Variants in ADAP1 observed in about 807,000 individuals in gnomAD.
ADAP1 encodes the protein ArfGAP with dual PH domains 1.
Under a neutral mutation model 54.9 loss-of-function variants are expected in ADAP1, and 31 were observed. The ratio of observed to expected loss-of-function variants is 0.56; its 90% CI spans 0.42 to 0.76. The LOEUF is 0.76. ADAP1 is among the 30% of genes least tolerant of loss of function. The pLI is 0.00. For missense variants in ADAP1, 535 were observed against 512.4 expected, an observed-to-expected ratio of 1.04 and a Z score of -0.42; for synonymous variants, 313 against 202.6, an observed-to-expected ratio of 1.55 and a Z score of -4.63.
At chr7:953,923 G>A (rs1847326438) in intron 1 of ADAP1, among the ~76,000 whole-genome samples, 1 of 152,172 alleles carries the variant, frequency 6.6e-6, no homozygotes, top group South Asian at 2.1e-4. Flanking sequence ...CTCACACCCA[G>A]GGACCCCCGG....
chr7:912,061 C>A (rs866705896), intron 4 of ADAP1, among the ~76,000 whole-genome samples: 1 of 152,196 alleles, frequency 6.6e-6, no homozygotes, highest in Non-Finnish European at 1.5e-5. Flanking sequence ...ACGGGGAAAC[C>A]GAGGCCCCAG....
At chr7:902,150 G>A (rs1281455486) in intron 6 of ADAP1, among the ~76,000 whole-genome samples, 1 of 150,580 alleles carries the variant, frequency 6.6e-6, no homozygotes, top group East Asian at 2.0e-4. Flanking sequence ...GGTGAAACCC[G>A]GTCTCTACTA....
intron 2 of ADAP1, among the ~76,000 whole-genome samples, chr7:931,716 G>A (rs1583174698): frequency 6.6e-6 from 1 of 151,582 alleles, no homozygotes. Flanking sequence ...GGCTGTGAAC[G>A]GCATCTCTAG....
chr7:919,576 G>A (rs1190962355), intron 4 of ADAP1, among the ~76,000 whole-genome samples: 1 of 148,176 alleles, frequency 6.7e-6, no homozygotes, highest in East Asian at 2.0e-4. Context: ...GAGAGGATGA[G>A]ATAGACGTGA....
At chr7:904,735 A>T (rs1238264171) in intron 5 of ADAP1, among the ~76,000 whole-genome samples, 1 of 152,204 alleles carries the variant, frequency 6.6e-6, no homozygotes, top group East Asian at 1.9e-4. Flanking sequence ...TACCTCCAGG[A>T]AAACTAGGGG....
rs770303688 is a variant in ADAP1, at chr7:926,623, C to A, written c.235G>T (p.Asp79Tyr). 6.5e-7 allele frequency: 1 copy of A among 1,544,080 alleles called. No homozygotes were observed. Among genetic ancestry groups the A allele is most frequent in the Admixed American group, 2.0e-5 (1 of 49,206 alleles). Residue 79 changes from aspartate to tyrosine, a missense_variant, in exon 3 of 11, where the codon GAC becomes TAC. Transcript: ENST00000265846. This position sits in a 1 kb window ranked among gnomAD's most constrained non-coding sequence, Gnocchi z 4.6. Reference sequence around the variant, plus strand: ...GACTCAAACCTGGCTCTCGCGGCGTCGTTCCCGTGGGAGGCCATGAACTGC... The same window carrying A: ...GACTCAAACCTGGCTCTCGCGGCGTAGTTCCCGTGGGAGGCCATGAACTGC... ...QVEFMASHGNDAARARFESKV... is the reference protein window; with the variant it reads ...QVEFMASHGNYAARARFESKV...
intron 2 of ADAP1, among the ~76,000 whole-genome samples, chr7:930,990 A>AG (rs1349567791): frequency 6.6e-6 from 1 of 151,176 alleles, no homozygotes; most frequent in Non-Finnish European, 1.5e-5. Context: ...AAAAAAAAAA[A>AG]AAAAGAGAAA....
Position 954,473 on chromosome 7 carries a change from GC to G in ADAP1, c.4del (p.Ala2ProfsTer41). On this transcript the variant is annotated frameshift_variant, in exon 1 of 11. Transcript: ENST00000265846. LOFTEE classifies it high-confidence loss of function. M[A>X]KERRRAVLEL... is the part of the protein sequence containing the mutation. ...CAGGACCGCCCTGCGCCGCTCCTTGGCCATGGCCGCGATGCGCCCGCGATGC... is the reference window on the plus strand; with the variant it reads ...CAGGACCGCCCTGCGCCGCTCCTTGGCATGGCCGCGATGCGCCCGCGATGC... 9.6e-7 allele frequency: 1 copy of G among 1,036,718 alleles called. No homozygotes were observed. The highest frequency in any genetic ancestry group is 1.2e-6 in the Non-Finnish European group (1 of 864,964). 64.2% of individuals were successfully genotyped at this position (1,036,718 alleles called of 1,614,324 possible). A position where few individuals can be genotyped will look rare whatever the true frequency, so the allele number is the denominator to read the frequency against.
chr7:927,971 T>G (rs2128107112), intron 2 of ADAP1, among the ~76,000 whole-genome samples: 1 of 151,816 alleles, frequency 6.6e-6, no homozygotes, highest in African/African-American at 2.4e-5. Context: ...GTCCCAGCAC[T>G]TTGGGAAGCT....
chr7:945,322 G>C lies in ADAP1; in HGVS notation c.82+9074C>G, dbSNP rs1321230736. Reference sequence around the variant, plus strand: ...TCCAGGGTGGAAGGGGAGCTGGTCTGACGCCCCAGCAGCAGGGCCCCCACA... The same window carrying C: ...TCCAGGGTGGAAGGGGAGCTGGTCTCACGCCCCAGCAGCAGGGCCCCCACA... On this transcript the variant is annotated intron_variant, in intron 1 of 10. Coordinates refer to ENST00000265846, the MANE Select transcript of ADAP1 (RefSeq NM_006869.4). This position sits in a 1 kb window ranked among gnomAD's most constrained non-coding sequence, Gnocchi z 4.2. Among the ~76,000 whole-genome samples the C allele has an allele frequency of 6.6e-6, 1 of 152,216 alleles. No homozygotes were observed. The highest frequency in any genetic ancestry group is 1.5e-5 in the Non-Finnish European group (1 of 68,032).
At chr7:909,970 G>C (rs1845654675) in intron 4 of ADAP1, among the ~76,000 whole-genome samples, 1 of 152,208 alleles carries the variant, frequency 6.6e-6, no homozygotes, top group Non-Finnish European at 1.5e-5. Context: ...GCCCTGCTCA[G>C]ACGCCTCTGA....
chr7:930,222 C>G, intron 2 of ADAP1, among the ~76,000 whole-genome samples: 1 of 150,684 alleles, frequency 6.6e-6, no homozygotes, highest in Non-Finnish European at 1.5e-5. Context: ...GTAAAAATTT[C>G]CACGGCAAAA....
rs773586890 is a variant in ADAP1, at chr7:945,978, C to G, written c.82+8418G>C. Among the ~76,000 whole-genome samples the G allele has an allele frequency of 6.6e-6, 1 of 152,214 alleles. No homozygotes were observed. Among genetic ancestry groups the G allele is most frequent in the Admixed American group, 6.5e-5 (1 of 15,290 alleles). Reference sequence around the variant, plus strand: ...GAGACCTTTGCCCTCCCAAGGCTGACGCACAGCAGAGATCCCGGTGCAATC... The same window carrying G: ...GAGACCTTTGCCCTCCCAAGGCTGAGGCACAGCAGAGATCCCGGTGCAATC... On this transcript the variant is annotated intron_variant, in intron 1 of 10. Coordinates refer to ENST00000265846, the MANE Select transcript of ADAP1 (RefSeq NM_006869.4). This position sits in a 1 kb window ranked among gnomAD's most constrained non-coding sequence, Gnocchi z 4.2.
Position 905,180 on chromosome 7 carries a change from G to T in ADAP1, c.389-8C>A. 1 of 1,609,962 alleles carries T rather than the reference G, an allele frequency of 6.2e-7. No homozygotes were observed. The highest frequency in any genetic ancestry group is 1.7e-4 in the Middle Eastern group (1 of 6,054). On this transcript the variant is annotated splice_region_variant and splice_polypyrimidine_tract_variant and intron_variant, in intron 4 of 10. Transcript: ENST00000265846. ...GAAAACCCTCACGGTACCCTGTGGG[G>T]GAAAGGGGACACGAGTCGGTGACAG...
chr7:952,010 G>A (rs964312018), intron 1 of ADAP1, among the ~76,000 whole-genome samples: 2 of 152,116 alleles, frequency 1.3e-5, no homozygotes, highest in African/African-American at 4.8e-5. Flanking sequence ...AAGGATGTAC[G>A]GAGGCACCCC....
At position 926,485 on chromosome 7, in the gene ADAP1, C is replaced by A. The variant is rs1846393599; in HGVS notation, c.305+68G>T. On this transcript the variant is annotated intron_variant, in intron 3 of 10. Coordinates refer to ENST00000265846, the MANE Select transcript of ADAP1 (RefSeq NM_006869.4). This position sits in a 1 kb window ranked among gnomAD's most constrained non-coding sequence, Gnocchi z 4.6. ...CACCCAACTCCCCACCCTGCCGGGT[C>A]CTCCCGGGGCCATCTCGGAGCCACC... The A allele has an allele frequency of 1.5e-6, 2 of 1,375,106 alleles. No homozygotes were observed. Among genetic ancestry groups the A allele is most frequent in the Admixed American group, 3.2e-5 (1 of 31,604 alleles). 85.2% of individuals were successfully genotyped at this position (1,375,106 alleles called of 1,614,324 possible). A position where few individuals can be genotyped will look rare whatever the true frequency, so the allele number is the denominator to read the frequency against.
At chr7:954,348 G>C in intron 1 of ADAP1, 48 bp downstream of exon 1, 30 of 950,998 alleles carry the variant, frequency 3.2e-5, no homozygotes, top group Middle Eastern at 5.3e-4. Flanking sequence ...GGCACCCCGC[G>C]CCCACCCCGG....
chr7:915,302 G>A (rs563916813), intron 4 of ADAP1, among the ~76,000 whole-genome samples: 1 of 152,278 alleles, frequency 6.6e-6, no homozygotes, highest in South Asian at 2.1e-4. Flanking sequence ...CCTCACCCGT[G>A]CCTCATGCAC....
intron 10 of ADAP1, 39 bp from the exon 11 acceptor site, chr7:898,988 G>A (rs1844642996): frequency 6.2e-7 from 1 of 1,610,176 alleles, no homozygotes; most frequent in Non-Finnish European, 8.5e-7. Context: ...ACAGCGGCGG[G>A]GAGCTGGGAG....
Sources: gnomAD v4.1 joint callset for allele counts (sites outside exome capture counted in the v4.1 genomes callset) on GRCh38, gnomAD v4.1.1 for gene constraint, Gnocchi (gnomAD v3.1) non-coding constraint, MANE v1.5 for transcripts, NCBI Gene and HGNC (gene_info 2026-07-23, HGNC 2026-07-21) for gene names.